MYRIP: variants seen among roughly 807,000 people sequenced by gnomAD.
MYRIP encodes the protein rab effector MyRIP.
Under a neutral mutation model 98.0 loss-of-function variants are expected in MYRIP, and 49 were observed. The ratio of observed to expected loss-of-function variants is 0.50; its 90% CI spans 0.40 to 0.63. The LOEUF is 0.63. Among genes scored for constraint, MYRIP ranks in the 30% least tolerant of loss-of-function variants. The pLI is 0.00. For missense variants in MYRIP, 1,004 were observed against 1,058.2 expected, an observed-to-expected ratio of 0.95 and a Z score of 0.71; for synonymous variants, 404 against 409.5, an observed-to-expected ratio of 0.99 and a Z score of 0.16.
At chr3:40,226,607 G>C (rs987835897) in intron 11 of MYRIP, among the ~76,000 whole-genome samples, 1 of 152,184 alleles carries the variant, frequency 6.6e-6, no homozygotes, top group Admixed American at 6.5e-5. Flanking sequence ...TTTAAAACCA[G>C]GCAGACCCTA....
chr3:39,913,039 T>TAA (rs34151055), intron 2 of MYRIP, among the ~76,000 whole-genome samples: 2 of 151,616 alleles, frequency 1.3e-5, no homozygotes, highest in Admixed American at 6.6e-5. Context: ...GACTCCATCT[T>TAA]AAAAAAAATT....
chr3:40,121,719 G>A lies in MYRIP; in HGVS notation c.333-29329G>A, dbSNP rs111470670. On this transcript the variant is annotated intron_variant, in intron 3 of 16. Transcript: ENST00000302541. ...CAAGCAAGGCACTCACTCCCCTGGC[G>A]TACCAAAAAACTCAGTAGTAGAGAC... Among the ~76,000 whole-genome samples the A allele has an allele frequency of 2.1e-3, 324 of 152,102 alleles. 2 individuals are homozygous for A. The highest frequency in any genetic ancestry group is 0.014 in the Middle Eastern group (4 of 294).
chr3:39,995,774 G>C (rs1575448007), intron 2 of MYRIP, among the ~76,000 whole-genome samples: 4 of 152,128 alleles, frequency 2.6e-5, no homozygotes. Context: ...AAATGTTAAG[G>C]GCAGCCAGAG....
At chr3:40,066,861 T>C (rs1364009721) in intron 3 of MYRIP, among the ~76,000 whole-genome samples, 1 of 152,230 alleles carries the variant, frequency 6.6e-6, no homozygotes, top group African/African-American at 2.4e-5. Flanking sequence ...ACTGTCCCTC[T>C]ATACTACAAC....
At chr3:39,810,965 G>C (rs549858913) in intron 1 of MYRIP, among the ~76,000 whole-genome samples, 1 of 152,154 alleles carries the variant, frequency 6.6e-6, no homozygotes, top group Non-Finnish European at 1.5e-5. Context: ...ATCTCGATTT[G>C]TTGATTTTCT....
intron 11 of MYRIP, among the ~76,000 whole-genome samples, chr3:40,223,519 G>C (rs955389591): frequency 6.6e-6 from 1 of 152,174 alleles, no homozygotes; most frequent in Non-Finnish European, 1.5e-5. Flanking sequence ...ACAATAGTTA[G>C]CTTGTTCTTT....
chr3:39,967,770 A>G (rs1224223995), intron 2 of MYRIP, among the ~76,000 whole-genome samples: 2 of 151,990 alleles, frequency 1.3e-5, no homozygotes, highest in Non-Finnish European at 2.9e-5. Flanking sequence ...TTTAATAATA[A>G]CCATTCTGAT....
chr3:40,076,668 T>C (rs1948349296), intron 3 of MYRIP, among the ~76,000 whole-genome samples: 1 of 152,168 alleles, frequency 6.6e-6, no homozygotes, highest in South Asian at 2.1e-4. Flanking sequence ...GTGCTCCCAT[T>C]CCATTGTTAA....
chr3:39,902,170 G>A (rs1016520216), intron 2 of MYRIP, among the ~76,000 whole-genome samples: 1 of 152,358 alleles, frequency 6.6e-6, no homozygotes, highest in East Asian at 1.9e-4. Context: ...GCCAGGTAAA[G>A]TTGAGAGCTC....
intron 3 of MYRIP, among the ~76,000 whole-genome samples, chr3:40,102,888 CAA>C (rs1458944547): frequency 6.6e-6 from 1 of 151,918 alleles, no homozygotes; most frequent in East Asian, 1.9e-4. Flanking sequence ...TACAGAAAAG[CAA>C]AAGTTTTACA....
chr3:40,110,997 A>G (rs553513880), intron 3 of MYRIP, among the ~76,000 whole-genome samples: 5 of 152,164 alleles, frequency 3.3e-5, no homozygotes, highest in Admixed American at 1.3e-4. Flanking sequence ...GACATTTTTG[A>G]TACTTCTAAT....
At chr3:39,918,869 T>G (rs1944236015) in intron 2 of MYRIP, among the ~76,000 whole-genome samples, 1 of 152,170 alleles carries the variant, frequency 6.6e-6, no homozygotes, top group Non-Finnish European at 1.5e-5. Context: ...TAACTACAGC[T>G]GTAGCAGCCC....
intron 2 of MYRIP, among the ~76,000 whole-genome samples, chr3:39,967,349 T>C (rs1402715642): frequency 1.3e-5 from 2 of 152,104 alleles, no homozygotes; most frequent in Admixed American, 6.6e-5. Flanking sequence ...TGGTATTTGG[T>C]TTTCTGTTCT....
intron 3 of MYRIP, among the ~76,000 whole-genome samples, chr3:40,091,407 G>C (rs1948734625): frequency 6.6e-6 from 1 of 151,654 alleles, no homozygotes; most frequent in South Asian, 2.1e-4. Context: ...AAGAGGGTCT[G>C]GCTATGAGGG....
intron 2 of MYRIP, among the ~76,000 whole-genome samples, chr3:39,918,876 G>C (rs753696628): frequency 6.6e-6 from 1 of 152,134 alleles, no homozygotes; most frequent in Non-Finnish European, 1.5e-5. Context: ...AGCTGTAGCA[G>C]CCCTCAGGGA....
intron 2 of MYRIP, among the ~76,000 whole-genome samples, chr3:40,033,550 A>G (rs915138218): frequency 6.6e-5 from 10 of 152,200 alleles, no homozygotes; most frequent in African/African-American, 2.4e-4. Flanking sequence ...ACTACAAACC[A>G]CTGCTCAATG....
At chr3:39,924,514 A>C (rs995101032) in intron 2 of MYRIP, among the ~76,000 whole-genome samples, 18 of 152,096 alleles carry the variant, frequency 1.2e-4, no homozygotes, top group Non-Finnish European at 2.6e-4. Flanking sequence ...CACTGAAAAT[A>C]GACAAGCCAA....
At chr3:40,004,927 C>T (rs555033992) in intron 2 of MYRIP, among the ~76,000 whole-genome samples, 1 of 152,258 alleles carries the variant, frequency 6.6e-6, no homozygotes, top group South Asian at 2.1e-4. Flanking sequence ...TTCTTCAACC[C>T]TTGCCCCCTC....
At chr3:40,213,609 A>AACAC (rs71618924) in intron 11 of MYRIP, among the ~76,000 whole-genome samples, 2 of 42,886 alleles carry the variant, frequency 4.7e-5, no homozygotes, top group Non-Finnish European at 8.5e-5. Context: ...TAGTCTGAGC[A>AACAC]ACACACACAC....
Sources: gnomAD v4.1 joint callset for allele counts (sites outside exome capture counted in the v4.1 genomes callset) on GRCh38, gnomAD v4.1.1 for gene constraint, MANE v1.5 for transcripts, NCBI Gene and HGNC (gene_info 2026-07-23, HGNC 2026-07-21) for gene names.